The following KCNH1 variants were observed in gnomAD, a reference collection of about 807,000 sequenced individuals.
The protein encoded by KCNH1 is potassium voltage-gated channel subfamily H member 1.
Under a neutral mutation model 69.2 loss-of-function variants are expected in KCNH1, and 27 were observed. The observed-to-expected ratio is 0.39, with a 90% CI of 0.29 to 0.54. The LOEUF (loss-of-function observed/expected upper bound fraction) is 0.54, where lower values mean the gene tolerates loss of function less well. KCNH1 is among the 20% of genes least tolerant of loss of function. The pLI is 0.68. For missense variants in KCNH1, 798 were observed against 1,261.6 expected (o/e 0.63, Z 5.57); for synonymous variants, 456 against 487.7 (o/e 0.93, Z 0.86).
At chr1:211,115,730 TAC>T (rs1553381313) in intron 1 of KCNH1, among the ~76,000 whole-genome samples, 1,409 of 86,900 alleles carry the variant, frequency 0.016, 48 homozygotes, top group African/African-American at 0.093. Context: ...TATATATATA[TAC>T]ACACACACAC....
intron 6 of KCNH1, among the ~76,000 whole-genome samples, chr1:210,982,883 C>G (rs1015845771): frequency 1.3e-5 from 2 of 152,188 alleles, no homozygotes; most frequent in Non-Finnish European, 2.9e-5. Context: ...TACAGTCCCA[C>G]CAAAAGTGTA....
At chr1:210,806,517 G>A (rs1684553112) in intron 7 of KCNH1, among the ~76,000 whole-genome samples, 1 of 151,402 alleles carries the variant, frequency 6.6e-6, no homozygotes, top group Non-Finnish European at 1.5e-5. Context: ...ATTTTTGGTG[G>A]TATCATTTAC....
At chr1:210,775,051 T>A (rs1038341549) in intron 10 of KCNH1, among the ~76,000 whole-genome samples, 1 of 152,142 alleles carries the variant, frequency 6.6e-6, no homozygotes, top group African/African-American at 2.4e-5. Context: ...CACTCATCTT[T>A]TCAAAATGCT....
intron 5 of KCNH1, among the ~76,000 whole-genome samples, chr1:211,058,118 A>G (rs1690348651): frequency 6.6e-6 from 1 of 152,234 alleles, no homozygotes; most frequent in African/African-American, 2.4e-5. Context: ...CAACAAAAAT[A>G]TTCTTCAAAC....
At chr1:210,984,875 G>T (rs1688797430) in intron 6 of KCNH1, among the ~76,000 whole-genome samples, 1 of 152,140 alleles carries the variant, frequency 6.6e-6, no homozygotes, top group Non-Finnish European at 1.5e-5. Context: ...GCTCCTCTTT[G>T]TACCTCTGGT....
At chr1:211,030,584 C>T (rs762692147) in intron 5 of KCNH1, among the ~76,000 whole-genome samples, 5 of 151,898 alleles carry the variant, frequency 3.3e-5, no homozygotes, top group African/African-American at 7.3e-5. Context: ...ACCTAAGTCT[C>T]GCATCTTATT....
chr1:210,884,500 G>A (rs1686562259), intron 7 of KCNH1, among the ~76,000 whole-genome samples: 1 of 152,134 alleles, frequency 6.6e-6, no homozygotes, highest in East Asian at 1.9e-4. Flanking sequence ...TTTACCCAAA[G>A]GCACATAATT....
At chr1:211,048,813 A>G (rs997365260) in intron 5 of KCNH1, among the ~76,000 whole-genome samples, 7 of 152,152 alleles carry the variant, frequency 4.6e-5, no homozygotes, top group African/African-American at 1.7e-4. Context: ...GTAACCAAAC[A>G]CCACCTGTTC....
chr1:211,013,319 C>T (rs1689429235), intron 6 of KCNH1, among the ~76,000 whole-genome samples: 1 of 152,144 alleles, frequency 6.6e-6, no homozygotes, highest in African/African-American at 2.4e-5. Flanking sequence ...GCAGGGTAGG[C>T]AATGACACCT....
At chr1:210,912,790 G>T (rs1300894839) in intron 7 of KCNH1, among the ~76,000 whole-genome samples, 1 of 152,128 alleles carries the variant, frequency 6.6e-6, no homozygotes, top group Non-Finnish European at 1.5e-5. Context: ...GAACTGACTG[G>T]TTCCAAAATG....
intron 7 of KCNH1, among the ~76,000 whole-genome samples, chr1:210,862,597 G>T (rs1020879781): frequency 6.6e-6 from 1 of 152,154 alleles, no homozygotes; most frequent in African/African-American, 2.4e-5. Context: ...GCCTCCCAAA[G>T]TGCTGGATTT....
intron 7 of KCNH1, among the ~76,000 whole-genome samples, chr1:210,867,330 TACACACACACACACACAC>T (rs57696942): frequency 6.9e-6 from 1 of 144,134 alleles, no homozygotes; most frequent in South Asian, 2.3e-4. Context: ...TGTATATGTT[TACACACACACACACACAC>T]ACACACACAC....
At chr1:210,892,346 C>A (rs890715124) in intron 7 of KCNH1, among the ~76,000 whole-genome samples, 21 of 152,082 alleles carry the variant, frequency 1.4e-4, no homozygotes, top group African/African-American at 4.1e-4. Flanking sequence ...GTCTTTCCCC[C>A]TTTTCTGCCT....
chr1:210,875,512 C>A (rs904197084), intron 7 of KCNH1, among the ~76,000 whole-genome samples: 1 of 152,182 alleles, frequency 6.6e-6, no homozygotes, highest in African/African-American at 2.4e-5. Flanking sequence ...AAATCAATAG[C>A]AATATTTTGG....
At chr1:210,834,062 T>C (rs1685226816) in intron 7 of KCNH1, among the ~76,000 whole-genome samples, 1 of 152,098 alleles carries the variant, frequency 6.6e-6, no homozygotes, top group Non-Finnish European at 1.5e-5. Flanking sequence ...TGTGGAGAAA[T>C]AGGAACACTT....
At chr1:211,095,564 C>T (rs961275195) in intron 3 of KCNH1, among the ~76,000 whole-genome samples, 2 of 152,174 alleles carry the variant, frequency 1.3e-5, no homozygotes, top group African/African-American at 2.4e-5. Flanking sequence ...CTCAGATGTA[C>T]GAGAGAATTT....
At chr1:210,693,061 T>A (rs1366084294) in intron 10 of KCNH1, among the ~76,000 whole-genome samples, 1 of 152,134 alleles carries the variant, frequency 6.6e-6, no homozygotes, top group African/African-American at 2.4e-5. Context: ...TTCACCCTCA[T>A]GCAGCTGAAG....
intron 5 of KCNH1, among the ~76,000 whole-genome samples, chr1:211,078,127 T>C (rs1331118327): frequency 6.6e-6 from 1 of 152,130 alleles, no homozygotes; most frequent in Admixed American, 6.6e-5. Flanking sequence ...AGCAAGTCCT[T>C]AGAGACCTTA....
chr1:210,756,069 T>C (rs966708799), intron 10 of KCNH1, among the ~76,000 whole-genome samples: 14 of 152,224 alleles, frequency 9.2e-5, no homozygotes, highest in African/African-American at 3.4e-4. Context: ...TTTTGTTTGT[T>C]AAGATTTCCA....
Sources: allele counts gnomAD v4.1 joint callset (sites outside exome capture counted in the v4.1 genomes callset), GRCh38; gene constraint gnomAD v4.1.1; transcripts MANE v1.5; gene names NCBI Gene and HGNC (gene_info 2026-07-23, HGNC 2026-07-21).